AATK: variants seen among roughly 807,000 people sequenced by gnomAD.
AATK encodes the protein serine/threonine-protein kinase LMTK1.
AATK carries 91 observed loss-of-function variants against 114.3 expected under a neutral mutation model. The observed-to-expected ratio is 0.80, with a 90% CI of 0.67 to 0.95. The LOEUF is 0.95. Among genes scored for constraint, AATK ranks in the 40% least tolerant of loss-of-function variants. The pLI, the probability that AATK is intolerant of heterozygous loss-of-function variation, is 0.00. For missense variants in AATK, 2,176 were observed against 1,965.2 expected, an observed-to-expected ratio of 1.11 and a Z score of -2.03; for synonymous variants, 1,075 against 916.5, an observed-to-expected ratio of 1.17 and a Z score of -3.12.
At chr17:81,119,243 A>AGCGGGGCCGGGAAGGG in intron 13 of AATK, 137 bp downstream of exon 13, 1 of 215,554 alleles carries the variant, frequency 4.6e-6, no homozygotes, top group African/African-American at 4.3e-5. Flanking sequence ...GCCGGGAAGG[A>AGCGGGGCCGGGAAGGG]GCGGGGCCGG....
At chr17:81,160,507 C>T (rs1048737617) in intron 1 of AATK, among the ~76,000 whole-genome samples, 4 of 152,250 alleles carry the variant, frequency 2.6e-5, no homozygotes, top group South Asian at 2.1e-4. Context: ...CCAAGGCCGC[C>T]GGTCCCGCGG....
At chr17:81,137,252 C>T (rs1344104843) in intron 1 of AATK, among the ~76,000 whole-genome samples, 4 of 144,804 alleles carry the variant, frequency 2.8e-5, no homozygotes, top group Non-Finnish European at 3.0e-5. Flanking sequence ...AGTAAGACTC[C>T]GCCTTAAAAA....
At chr17:81,143,207 C>A (rs1015805319) in intron 1 of AATK, among the ~76,000 whole-genome samples, 2 of 151,996 alleles carry the variant, frequency 1.3e-5, no homozygotes, top group Non-Finnish European at 1.5e-5. Flanking sequence ...GAGCCCCCAC[C>A]CCCGCAACGT....
chr17:81,136,602 C>T (rs1422365896), intron 1 of AATK, among the ~76,000 whole-genome samples: 1 of 152,228 alleles, frequency 6.6e-6, no homozygotes, highest in South Asian at 2.1e-4. Context: ...CACAGCCCTG[C>T]TGTGAGTTCC....
intron 1 of AATK, among the ~76,000 whole-genome samples, chr17:81,164,601 G>A (rs1227790178): frequency 6.6e-6 from 1 of 152,266 alleles, no homozygotes; most frequent in Non-Finnish European, 1.5e-5. Context: ...CCAAGGACAA[G>A]GCTGGGCCCC....
At position 81,165,919 on chromosome 17, in the gene AATK, C is replaced by G; in HGVS notation, c.55+19G>C. The G allele has an allele frequency of 1.3e-6, 2 of 1,570,812 alleles. No individual in the cohort carries two copies. The highest frequency in any genetic ancestry group is 1.7e-6 in the Non-Finnish European group (2 of 1,159,712). ...CGGAGGGAGGCAGCGGCGCGCAGGC[C>G]GGGCCGCCAGGGACTCACCGGGGTC... is the stretch of plus-strand genomic sequence containing the variant. On this transcript the variant is annotated intron_variant, in intron 1 of 13. Transcript: ENST00000326724.
At position 81,126,214 on chromosome 17, in the gene AATK, C is replaced by G. The variant is rs758582252; in HGVS notation, c.755+213G>C. Among the ~76,000 whole-genome samples, 1 of 152,174 alleles carries G rather than the reference C, an allele frequency of 6.6e-6. No homozygotes were observed. Among genetic ancestry groups the G allele is most frequent in the Admixed American group, 6.5e-5 (1 of 15,284 alleles). On this transcript the variant is annotated intron_variant, in intron 7 of 13. Coordinates refer to ENST00000326724, the MANE Select transcript of AATK (RefSeq NM_001080395.3). This position sits in a 1 kb window ranked among gnomAD's most constrained non-coding sequence, Gnocchi z 5.1. The stretch of plus-strand genomic sequence containing the variant: ...GCCAGCTTGACAGTACGCATCTCTT[C>G]GTCTAAACCTGCAAAGTGGGTGTCA...
At position 81,128,664 on chromosome 17, in the gene AATK, C is replaced by T. The variant is rs1314299038; in HGVS notation, c.335-115G>A. The T allele has an allele frequency of 1.1e-5, 17 of 1,503,022 alleles. 1 individual carries two copies. The South Asian group carries it at 1.9e-4, about 16-fold the overall frequency. The allele number at this position is 1,503,022 out of a possible 1,614,324, so 93.1% of individuals were successfully genotyped here. On this transcript the variant is annotated intron_variant, in intron 3 of 13. Coordinates refer to ENST00000326724, the MANE Select transcript of AATK (RefSeq NM_001080395.3). Reference sequence around the variant, plus strand: ...CCTTTTCTGGGAAACTGTCCTGAGTCCCTAGCACCAGCTGGCAACCTTGGG... The same window carrying T: ...CCTTTTCTGGGAAACTGTCCTGAGTTCCTAGCACCAGCTGGCAACCTTGGG...
intron 1 of AATK, among the ~76,000 whole-genome samples, chr17:81,159,427 GC>G (rs756507215): frequency 6.6e-6 from 1 of 152,172 alleles, no homozygotes; most frequent in Non-Finnish European, 1.5e-5. Context: ...TAAATCCAAT[GC>G]GGGGAAGCCC....
chr17:81,140,743 A>G lies in AATK; in HGVS notation c.56-6242T>C, dbSNP rs1458030685. Among the ~76,000 whole-genome samples, 8 of 36,518 alleles carry G rather than the reference A, an allele frequency of 2.2e-4. 1 individual carries two copies. The highest frequency in any genetic ancestry group is 1.2e-3 in the South Asian group (1 of 858). The allele number at this position is 36,518 out of a possible 152,430, so 24.0% of individuals were successfully genotyped here. On this transcript the variant is annotated intron_variant, in intron 1 of 13. Transcript: ENST00000326724. Reference sequence around the variant, plus strand: ...TGGGGCTGTGAGCCGTGGGGCCGGGAGACCGTGGGGCCGTGAGCCGTGGGG... The same window carrying G: ...TGGGGCTGTGAGCCGTGGGGCCGGGGGACCGTGGGGCCGTGAGCCGTGGGG...
chr17:81,130,222 T>C (rs1050183618), intron 3 of AATK, among the ~76,000 whole-genome samples: 2 of 152,142 alleles, frequency 1.3e-5, no homozygotes, highest in Non-Finnish European at 2.9e-5. Context: ...CCCTCCTGCC[T>C]CTGTGTTCCC....
intron 1 of AATK, among the ~76,000 whole-genome samples, chr17:81,157,446 C>T (rs1370157794): frequency 6.6e-6 from 1 of 152,210 alleles, no homozygotes; most frequent in Non-Finnish European, 1.5e-5. Flanking sequence ...CGGCCCTCCC[C>T]CAGTGCTAGG....
chr17:81,158,678 G>A (rs1042739212), intron 1 of AATK, among the ~76,000 whole-genome samples: 5 of 152,238 alleles, frequency 3.3e-5, no homozygotes, highest in African/African-American at 4.8e-5. Context: ...ATGGGCACTC[G>A]CTTGAGGGGC....
intron 13 of AATK, 84 bp downstream of exon 13, chr17:81,119,296 G>A: frequency 2.2e-6 from 3 of 1,345,422 alleles, no homozygotes; most frequent in East Asian, 3.0e-5. Context: ...CCCGGCCCAG[G>A]ACCTAGACGG....
chr17:81,133,684 CAG>C (rs889831585), intron 2 of AATK, among the ~76,000 whole-genome samples: 11 of 151,980 alleles, frequency 7.2e-5, no homozygotes, highest in African/African-American at 2.7e-4. Context: ...CCCTGCTGCT[CAG>C]AGTTACAGCT....
In AATK at chr17:81,122,620, A is replaced by G. The variant is rs1401510236; in HGVS notation, c.1316T>C (p.Val439Ala). ...GAAGPMLGGV[V>A]ELAAASSFPL... ...GAAGGACGAGGCAGCGGCGAGCTCC[A>G]CCACGCCGCCCAGCATGGGCCCCGC... Residue 439 changes from valine (V) to alanine (A), a missense_variant, in exon 11 of 14, where the codon GTG becomes GCG. Transcript: ENST00000326724. The G allele has an allele frequency of 1.1e-5, 15 of 1,419,242 alleles. No individual in the cohort carries two copies. The highest frequency in any genetic ancestry group is 1.3e-5 in the Non-Finnish European group (14 of 1,076,638). 87.9% of individuals were successfully genotyped at this position (1,419,242 alleles called of 1,614,324 possible).
intron 4 of AATK, among the ~76,000 whole-genome samples, chr17:81,128,192 G>T (rs1378110111): frequency 6.6e-6 from 1 of 152,114 alleles, no homozygotes; most frequent in African/African-American, 2.4e-5. Flanking sequence ...AGGGACCCAG[G>T]TGTCTCGTTT....
Position 81,120,071 on chromosome 17 carries a change from G to T in AATK, c.3748C>A (p.Arg1250=). The part of the protein sequence containing the change: ...VYLFDQESPT[R]ELGEPFPGAK... ...CCCGGGAAGGGCTCCCCGAGCTCCCGGGTGGGGCTTTCCTGGAGGAATCAG... is the reference window on the plus strand; with the variant it reads ...CCCGGGAAGGGCTCCCCGAGCTCCCTGGTGGGGCTTTCCTGGAGGAATCAG... Residue 1250 remains arginine, a synonymous_variant, in exon 12 of 14, where the codon CGG becomes AGG. Transcript: ENST00000326724. The T allele has an allele frequency of 6.8e-7, 1 of 1,460,280 alleles. No homozygotes were observed. The highest frequency in any genetic ancestry group is 1.4e-5 in the South Asian group (1 of 73,662). The allele number at this position is 1,460,280 out of a possible 1,614,324, so 90.5% of individuals were successfully genotyped here.
chr17:81,149,515 C>CA (rs936627256), intron 1 of AATK, among the ~76,000 whole-genome samples: 3 of 152,158 alleles, frequency 2.0e-5, no homozygotes, highest in Non-Finnish European at 4.4e-5. Context: ...ACCTCCACCC[C>CA]AAGGCACTAG....
Sources: allele counts gnomAD v4.1 joint callset (sites outside exome capture counted in the v4.1 genomes callset), GRCh38; gene constraint gnomAD v4.1.1; non-coding constraint Gnocchi (gnomAD v3.1); transcripts MANE v1.5; gene names NCBI Gene and HGNC (gene_info 2026-07-23, HGNC 2026-07-21).